Variants in TBX10 observed in about 807,000 individuals in gnomAD.
The protein encoded by TBX10 is T-box transcription factor TBX10.
Under a neutral mutation model 32.4 loss-of-function variants are expected in TBX10, and 26 were observed. That is an observed-to-expected ratio of 0.80 (90% confidence interval 0.59 to 1.11). TBX10 has a LOEUF of 1.11. TBX10 is among the 50% of genes most tolerant of loss of function. The pLI is 0.00. For synonymous variants in TBX10, 195 were observed against 203.1 expected (o/e 0.96, Z 0.34); for missense variants, 490 against 494.5 (o/e 0.99, Z 0.09).
In TBX10 at chr11:67,633,061, C is replaced by T. The variant is rs535008516; in HGVS notation, c.592G>A (p.Val198Met). 55 of 1,613,972 alleles carry T rather than the reference C, an allele frequency of 3.4e-5. No individual in the cohort carries two copies. Among genetic ancestry groups the T allele is most frequent in the Non-Finnish European group, 4.4e-5 (52 of 1,179,962 alleles). ...TCCTTGCGTGGGTCCACGAAGACCA[C>T]GTGGAAACGGGGCTGGTAGCGGTGC... ...SMHRYQPRFH[V>M]VFVDPRKDSE... Residue 198 changes from valine (V) to methionine (M), a missense_variant, in exon 5 of 8, where the codon GTG becomes ATG. By Grantham distance (21) the Val-to-Met change is conservative. This residue lies in a region of TBX10 where 307 missense variants were observed against 294.9 expected (regional missense o/e 1.04). Coordinates refer to ENST00000335385, the MANE Select transcript of TBX10 (RefSeq NM_005995.5).
At chr11:67,633,768 C>T (rs1421263614) in intron 4 of TBX10, among the ~76,000 whole-genome samples, 1 of 152,218 alleles carries the variant, frequency 6.6e-6, no homozygotes, top group Non-Finnish European at 1.5e-5. Context: ...TCTGCTTCCT[C>T]TTTGGCATTT....
intron 1 of TBX10, among the ~76,000 whole-genome samples, chr11:67,635,649 C>T (rs1229422266): frequency 6.6e-6 from 1 of 151,260 alleles, no homozygotes; most frequent in Non-Finnish European, 1.5e-5. Context: ...GCACAGGGGG[C>T]CCTTCACAAA....
In TBX10 at chr11:67,631,485, C is replaced by T. The variant is rs1283106283; in HGVS notation, c.*120G>A. 2.9e-6 allele frequency: 4 copies of T among 1,361,058 alleles called. No individual in the cohort carries two copies. Among genetic ancestry groups the T allele is most frequent in the Non-Finnish European group, 3.0e-6 (3 of 995,674 alleles). The allele number at this position is 1,361,058 out of a possible 1,614,324, so 84.3% of individuals were successfully genotyped here. ...TGGGCAGGTAGCCTCTTTCTCTAGA[C>T]TTTCACCTACCCTGCTCTCCTTGAG... On this transcript the variant is annotated 3_prime_UTR_variant, in exon 8 of 8. Coordinates refer to ENST00000335385, the MANE Select transcript of TBX10 (RefSeq NM_005995.5).
rs970810377 is a variant in TBX10 at position 67,632,519 on chromosome 11, G to A, written c.773+84C>T. 17 of 1,588,488 alleles carry A rather than the reference G, an allele frequency of 1.1e-5. No homozygotes were observed. The African/African-American group carries it at 2.1e-4, about 20-fold the overall frequency. On this transcript the variant is annotated intron_variant, in intron 6 of 7. Transcript: ENST00000335385. ...GGCCCCAGGATGGGTCAGAGGGTGT[G>A]ACCCTGAAACAAGGGTCAGGAACTG...
intron 3 of TBX10, 51 bp from the exon 4 acceptor site, chr11:67,634,411 G>A (rs1855291134): frequency 6.3e-7 from 1 of 1,593,336 alleles, no homozygotes; most frequent in African/African-American, 1.3e-5. Flanking sequence ...AGTCACGCCT[G>A]AACAATACAG....
At chr11:67,632,010 G>C in intron 7 of TBX10, 116 bp from the exon 8 acceptor site, 23 of 1,422,156 alleles carry the variant, frequency 1.6e-5, no homozygotes, top group Non-Finnish European at 2.2e-5. Context: ...CTCAGCCTTC[G>C]CCTTTGCTTT....
At position 67,633,532 on chromosome 11, in the gene TBX10, C is replaced by T. The variant is rs185986064; in HGVS notation, c.550-429G>A. Among the ~76,000 whole-genome samples, 16 of 152,316 alleles carry T rather than the reference C, an allele frequency of 1.1e-4. No homozygotes were observed. The East Asian group carries it at 2.9e-3, about 28-fold the overall frequency. ...AAGCCAGAGCCCCCCGAAGTCAGCC[C>T]GACCCCTCAGGCATTCGCCTCCTTG... On this transcript the variant is annotated intron_variant, in intron 4 of 7. Coordinates refer to ENST00000335385, the MANE Select transcript of TBX10 (RefSeq NM_005995.5).
chr11:67,636,778 G>A (rs566703455), intron 1 of TBX10, among the ~76,000 whole-genome samples: 38 of 152,318 alleles, frequency 2.5e-4, no homozygotes, highest in South Asian at 2.1e-4. Flanking sequence ...GGTTACAGGC[G>A]TGAGCCATCA....
chr11:67,641,179 C>T (rs1855399438), upstream of TBX10, among the ~76,000 whole-genome samples: 1 of 151,626 alleles, frequency 6.6e-6, no homozygotes, highest in Admixed American at 6.6e-5. Context: ...GGTGGCTCCC[C>T]TTCACCGAGA....
chr11:67,631,574 G>T lies in TBX10; in HGVS notation c.*31C>A. On this transcript the variant is annotated 3_prime_UTR_variant, in exon 8 of 8. Transcript: ENST00000335385. ...TCCCACACCCGGTGTAAGGTCCAGG[G>T]TAGCAGGGCTTCCCCCCAGGGCTTC... is the stretch of plus-strand genomic sequence containing the variant. The T allele has an allele frequency of 6.4e-7, 1 of 1,574,650 alleles. No individual in the cohort carries two copies.
intron 1 of TBX10, 109 bp from the exon 2 acceptor site, chr11:67,635,372 G>T: frequency 6.7e-7 from 1 of 1,498,420 alleles, no homozygotes; most frequent in Non-Finnish European, 9.1e-7. Context: ...CTGACTGCCA[G>T]GGCTGTGTTC....
chr11:67,634,050 A>G, intron 4 of TBX10, 139 bp downstream of exon 4: 1 of 1,077,824 alleles, frequency 9.3e-7, no homozygotes, highest in East Asian at 3.0e-5. Context: ...CAGCCAGGTG[A>G]GCTCGCCACC....
intron 3 of TBX10, among the ~76,000 whole-genome samples, 174 bp downstream of exon 3, chr11:67,634,642 C>T (rs2514022): frequency 0.52 from 78,959 of 152,080 alleles, 22,496 homozygotes; most frequent in East Asian, 0.81. Context: ...GTACCCTGAG[C>T]TGGGCTGCCT....
At chr11:67,639,849 A>G (rs1855381223), upstream of TBX10, among the ~76,000 whole-genome samples, 1 of 152,074 alleles carries the variant, frequency 6.6e-6, no homozygotes, top group Admixed American at 6.6e-5. Context: ...TCCCTCTTCA[A>G]GTTCCTCCCT....
intron 4 of TBX10, 147 bp from the exon 5 acceptor site, chr11:67,633,250 G>T: frequency 9.6e-7 from 1 of 1,041,352 alleles, no homozygotes; most frequent in Non-Finnish European, 1.4e-6. Context: ...AGCTGGAGAG[G>T]CTGCAGTTCC....
upstream of TBX10, among the ~76,000 whole-genome samples, chr11:67,641,665 GGGACTCT>G (rs1378514808): frequency 1.3e-5 from 2 of 152,188 alleles, no homozygotes; most frequent in African/African-American, 4.8e-5. Context: ...GCACTGCGAG[GGGACTCT>G]GGACTCCAGC....
chr11:67,635,741 G>A (rs1006030591), intron 1 of TBX10, among the ~76,000 whole-genome samples: 2 of 152,088 alleles, frequency 1.3e-5, no homozygotes, highest in African/African-American at 4.8e-5. Context: ...CCTGCCTCCC[G>A]GTGCTGCTGA....
At chr11:67,639,398 C>CA in intron 1 of TBX10, 68 bp downstream of exon 1, 2 of 778,290 alleles carry the variant, frequency 2.6e-6, no homozygotes, top group South Asian at 1.4e-5. Context: ...TTGGTTCCCA[C>CA]CCTGCCCACC....
intron 4 of TBX10, 82 bp downstream of exon 4, chr11:67,634,107 G>A: frequency 6.3e-7 from 1 of 1,580,602 alleles, no homozygotes; most frequent in Non-Finnish European, 8.6e-7. Context: ...CAGAGGTGCT[G>A]GGCACCAAGG....
Sources: gnomAD v4.1 joint callset for allele counts (sites outside exome capture counted in the v4.1 genomes callset) on GRCh38, gnomAD v4.1.1 for gene constraint, gnomAD v4.1.1 regional missense constraint, MANE v1.5 for transcripts, NCBI Gene and HGNC (gene_info 2026-07-23, HGNC 2026-07-21) for gene names.